Variants in PCDHGA1 observed in about 807,000 individuals in gnomAD.
PCDHGA1 encodes protocadherin gamma subfamily A, 1.
In PCDHGA1, 32 loss-of-function variants were observed where a neutral mutation model predicts 58.0. That is an observed-to-expected ratio of 0.55 (90% CI 0.42 to 0.74). PCDHGA1 has a LOEUF of 0.74. PCDHGA1 is among the 30% of genes least tolerant of loss of function. The pLI is 0.00. For synonymous variants in PCDHGA1, 498 were observed against 501.1 expected (o/e 0.99, Z 0.08); for missense variants, 1,205 against 1,182.3 (o/e 1.02, Z -0.28).
intron 3 of PCDHGA1, among the ~76,000 whole-genome samples, chr5:141,509,068 G>A (rs1267011061): frequency 6.6e-6 from 1 of 152,144 alleles, no homozygotes; most frequent in Non-Finnish European, 1.5e-5. Flanking sequence ...TCTCAGCTCC[G>A]GGGATTTGCG....
intron 1 of PCDHGA1, chr5:141,404,308 C>T (rs1241004917): frequency 6.2e-7 from 1 of 1,613,918 alleles, no homozygotes; most frequent in Middle Eastern, 1.6e-4. Flanking sequence ...CACCTGCTTT[C>T]TCTCAAGCCT....
intron 1 of PCDHGA1, among the ~76,000 whole-genome samples, chr5:141,470,142 A>G (rs1308458765): frequency 6.6e-6 from 1 of 152,044 alleles, no homozygotes; most frequent in Non-Finnish European, 1.5e-5. Context: ...AAAAAAGATC[A>G]TAGATCATCT....
Position 141,366,042 on chromosome 5 carries a change from G to T in PCDHGA1, c.2421+32937G>T, listed in dbSNP as rs1221134506. 8.1e-6 allele frequency: 13 copies of T among 1,614,242 alleles called. No individual in the cohort carries two copies. In the Middle Eastern group the frequency reaches 4.9e-4, roughly 61 times the overall value. The stretch of plus-strand genomic sequence containing the variant: ...CTGTACCCCGCCCTCCCCACAGACG[G>T]TTCCACGGGCGTGGAGCTGGCGCCT... On this transcript the variant is annotated intron_variant, in intron 1 of 3. Transcript: ENST00000517417.
At chr5:141,409,832 G>A (rs777679132) in intron 1 of PCDHGA1, 20 of 1,610,814 alleles carry the variant, frequency 1.2e-5, no homozygotes, top group Non-Finnish European at 1.6e-5. Context: ...CACGCTCAGC[G>A]CCAACGTGAG....
chr5:141,472,465 A>C (rs886879646), intron 1 of PCDHGA1, among the ~76,000 whole-genome samples: 4 of 152,032 alleles, frequency 2.6e-5, no homozygotes, highest in Non-Finnish European at 5.9e-5. Flanking sequence ...GCTTGAACCC[A>C]GAAGGCAGAG....
At chr5:141,396,813 T>A (rs1031435038) in intron 1 of PCDHGA1, among the ~76,000 whole-genome samples, 3 of 152,240 alleles carry the variant, frequency 2.0e-5, no homozygotes, top group Admixed American at 6.5e-5. Context: ...AGTGTTCTAC[T>A]GTATGGTGCA....
intron 1 of PCDHGA1, chr5:141,418,035 T>C: frequency 6.2e-7 from 1 of 1,614,000 alleles, no homozygotes; most frequent in Non-Finnish European, 8.5e-7. Context: ...CTTAGTGTCC[T>C]GGATGTGTCG....
intron 1 of PCDHGA1, chr5:141,415,483 A>G: frequency 6.2e-7 from 1 of 1,614,212 alleles, no homozygotes; most frequent in South Asian, 1.1e-5. Context: ...CTCGCGAAAG[A>G]GTCACCTGAT....
intron 1 of PCDHGA1, chr5:141,384,170 C>A: frequency 6.2e-7 from 1 of 1,613,736 alleles, no homozygotes; most frequent in Non-Finnish European, 8.5e-7. Flanking sequence ...ACACTGAAAG[C>A]CACAGATGGT....
chr5:141,345,707 C>T (rs200612120), intron 1 of PCDHGA1: 356 of 1,614,116 alleles, frequency 2.2e-4, no homozygotes, highest in Non-Finnish European at 2.9e-4. Context: ...AGAACGACAA[C>T]GCGCCCGAGA....
chr5:141,332,436 C>T lies in PCDHGA1; in HGVS notation c.1752C>T (p.Pro584=), dbSNP rs777025845. 25 of 1,613,872 alleles carry T rather than the reference C, an allele frequency of 1.5e-5. No homozygotes were observed. The African/African-American group carries it at 2.9e-4, about 19-fold the overall frequency. The change falls in exon 1 of 4, where the codon CCC becomes CCT. Residue 584 remains proline, a synonymous_variant. Coordinates refer to ENST00000517417, the MANE Select transcript of PCDHGA1 (RefSeq NM_018912.3). The surrounding 1 kb of genome is among the most constrained non-coding windows in gnomAD (Gnocchi z 4.6). The part of the protein sequence containing the change: ...GVELAPLSAE[P]GYLVTKVVAV... ...AGCTGGCGCCCCTCTCCGCAGAGCC[C>T]GGCTACCTGGTGACCAAGGTGGTGG...
intron 1 of PCDHGA1, chr5:141,365,522 G>A (rs771198048): frequency 1.9e-6 from 3 of 1,613,770 alleles, no homozygotes; most frequent in African/African-American, 1.3e-5. Context: ...GGAGAAGTCA[G>A]TTGATAATTA....
chr5:141,402,153 T>A (rs2094231712), intron 1 of PCDHGA1, among the ~76,000 whole-genome samples: 1 of 152,166 alleles, frequency 6.6e-6, no homozygotes, highest in Non-Finnish European at 1.5e-5. Flanking sequence ...TTAGCAATAT[T>A]AGGCGAGAAC....
At chr5:141,414,300 G>T in intron 1 of PCDHGA1, 7 of 1,613,560 alleles carry the variant, frequency 4.3e-6, no homozygotes, top group Non-Finnish European at 5.9e-6. Context: ...TTTTAAATGT[G>T]CATGATTTAG....
Position 141,356,147 on chromosome 5 carries a change from A to G in PCDHGA1, c.2421+23042A>G, listed in dbSNP as rs1208276998. 19 of 1,613,404 alleles carry G rather than the reference A, an allele frequency of 1.2e-5. No homozygotes were observed. The highest frequency in any genetic ancestry group is 1.5e-5 in the Non-Finnish European group (18 of 1,179,664). On this transcript the variant is annotated intron_variant, in intron 1 of 3. Transcript: ENST00000517417. ...GATTATGAGGACTCTGGATTCTATG[A>G]CATAGATGTAGAAGCCCATGATGGG...
chr5:141,409,452 A>T, intron 1 of PCDHGA1: 1 of 1,613,990 alleles, frequency 6.2e-7, no homozygotes, highest in Non-Finnish European at 8.5e-7. Context: ...CAGACACCAG[A>T]ATACAATGTC....
chr5:141,382,125 G>GC (rs1470370841), intron 1 of PCDHGA1, among the ~76,000 whole-genome samples: 4 of 151,872 alleles, frequency 2.6e-5, no homozygotes, highest in Non-Finnish European at 5.9e-5. Flanking sequence ...ACAGCACCTG[G>GC]CCCCCCCTCT....
intron 1 of PCDHGA1, chr5:141,423,728 T>C (rs1312071121): frequency 9.4e-6 from 10 of 1,067,510 alleles, no homozygotes; most frequent in Non-Finnish European, 1.1e-5. Context: ...AGATGTTTTT[T>C]GAGCCTGTTA....
At chr5:141,387,089 G>T (rs1034064461) in intron 1 of PCDHGA1, among the ~76,000 whole-genome samples, 1 of 152,162 alleles carries the variant, frequency 6.6e-6, no homozygotes, top group African/African-American at 2.4e-5. Flanking sequence ...TGTGATCATC[G>T]AAATGAGAAT....
Sources: gnomAD v4.1 joint callset for allele counts (sites outside exome capture counted in the v4.1 genomes callset) on GRCh38, gnomAD v4.1.1 for gene constraint, Gnocchi (gnomAD v3.1) non-coding constraint, MANE v1.5 for transcripts, NCBI Gene and HGNC (gene_info 2026-07-23, HGNC 2026-07-21) for gene names.